FAM178B: variants seen among roughly 807,000 people sequenced by gnomAD.
The protein encoded by FAM178B is family with sequence similarity 178 member B, also known as protein FAM178B.
In FAM178B, 82 loss-of-function variants were observed where a neutral mutation model predicts 91.7. The observed-to-expected ratio is 0.89, with a 90% CI of 0.75 to 1.07. The LOEUF (loss-of-function observed/expected upper bound fraction) is 1.07. FAM178B is among the 50% of genes least tolerant of loss of function. The pLI is 0.00. For synonymous variants in FAM178B, 368 were observed against 359.4 expected (o/e 1.02, Z -0.27); for missense variants, 769 against 846.7 (o/e 0.91, Z 1.14).
chr2:96,918,989 T>TAA lies in FAM178B; in HGVS notation c.1562+2175_1562+2176insTT, dbSNP rs1292185559. Among the ~76,000 whole-genome samples the TAA allele has an allele frequency of 5.3e-5, 8 of 152,298 alleles. 1 individual carries two copies. In the East Asian group the frequency reaches 1.5e-3, roughly 29 times the overall value. The stretch of plus-strand genomic sequence containing the variant: ...CACGACCCTCTCACGCGGGCTCTCT[T>TAA]AGAGTTGTAAGCCCTTAAAAGCGAC... On this transcript the variant is annotated intron_variant, in intron 12 of 16. Coordinates refer to ENST00000490605, the MANE Select transcript of FAM178B (RefSeq NM_001122646.3).
At chr2:96,897,763 C>T (rs2080851297) in intron 13 of FAM178B, among the ~76,000 whole-genome samples, 1 of 152,200 alleles carries the variant, frequency 6.6e-6, no homozygotes, top group Non-Finnish European at 1.5e-5. Flanking sequence ...AATCTCTTCT[C>T]AACACAGCAG....
At chr2:96,911,778 G>C (rs534330338) in intron 12 of FAM178B, among the ~76,000 whole-genome samples, 2 of 152,236 alleles carry the variant, frequency 1.3e-5, no homozygotes, top group Admixed American at 6.5e-5. Flanking sequence ...CCAGGGCACC[G>C]AATCTGTCCA....
intron 7 of FAM178B, among the ~76,000 whole-genome samples, chr2:96,948,360 G>A (rs1026721454): frequency 9.9e-5 from 15 of 152,184 alleles, no homozygotes; most frequent in Non-Finnish European, 1.8e-4. Context: ...CCAGGTCAGC[G>A]CCTTAACACA....
chr2:96,971,922 G>T lies in FAM178B; in HGVS notation c.543C>A (p.Ser181Arg). The change falls in exon 3 of 17, where the codon AGC becomes AGA. Residue 181 changes from serine (S) to arginine (R), a missense_variant. Physicochemically the swap from Ser to Arg is moderately radical, Grantham distance 110 (BLOSUM62 -1). Coordinates refer to ENST00000490605, the MANE Select transcript of FAM178B (RefSeq NM_001122646.3). Reference sequence around the variant, plus strand: ...TCACCTCTGGGGCCGCAGCCTGCTGGCTCAGGCCTGACGTGTTCCAGAACA... The same window carrying T: ...TCACCTCTGGGGCCGCAGCCTGCTGTCTCAGGCCTGACGTGTTCCAGAACA... ...EKLFWNTSGL[S>R]QQAAAPEFSW... 1 of 1,509,014 alleles carries T rather than the reference G, an allele frequency of 6.6e-7. No individual in the cohort carries two copies. The highest frequency in any genetic ancestry group is 8.9e-7 in the Non-Finnish European group (1 of 1,128,376). The allele number at this position is 1,509,014 out of a possible 1,614,324, so 93.5% of individuals were successfully genotyped here. A position where few individuals can be genotyped will look rare whatever the true frequency, so the allele number is the denominator to read the frequency against.
intron 8 of FAM178B, 117 bp from the exon 9 acceptor site, chr2:96,929,437 C>T (rs2081503835): frequency 2.8e-6 from 2 of 708,138 alleles, no homozygotes; most frequent in East Asian, 5.5e-5. Context: ...TTTGCCTTCT[C>T]TGACACCACA....
intron 12 of FAM178B, among the ~76,000 whole-genome samples, chr2:96,908,206 G>A (rs2081090884): frequency 6.6e-6 from 1 of 152,232 alleles, no homozygotes; most frequent in Non-Finnish European, 1.5e-5. Flanking sequence ...AGCACACAGA[G>A]TGTGGACGGG....
chr2:96,882,891 A>T (rs1445423783), intron 14 of FAM178B, among the ~76,000 whole-genome samples: 1 of 152,236 alleles, frequency 6.6e-6, no homozygotes, highest in African/African-American at 2.4e-5. Flanking sequence ...CTCAGTCAAC[A>T]TCATGGGGAA....
At chr2:96,986,077 C>G (rs1283729582) in intron 1 of FAM178B, among the ~76,000 whole-genome samples, 164 bp downstream of exon 1, 1 of 152,232 alleles carries the variant, frequency 6.6e-6, no homozygotes, top group Non-Finnish European at 1.5e-5. Context: ...CGTCGGAACC[C>G]GAACCACGCG....
chr2:96,951,265 C>A (rs1448033136), intron 7 of FAM178B, 114 bp downstream of exon 7: 10 of 742,510 alleles, frequency 1.3e-5, no homozygotes, highest in Non-Finnish European at 2.1e-5. Flanking sequence ...CTGAGCCCAG[C>A]CAAGCAGCAC....
At chr2:96,936,824 T>C (rs2081640272) in intron 8 of FAM178B, among the ~76,000 whole-genome samples, 1 of 152,006 alleles carries the variant, frequency 6.6e-6, no homozygotes, top group African/African-American at 2.4e-5. Context: ...AAAAGCGTTC[T>C]TTAAAAAAAT....
At chr2:96,939,450 C>T (rs2081689054) in intron 8 of FAM178B, among the ~76,000 whole-genome samples, 3 of 152,102 alleles carry the variant, frequency 2.0e-5, no homozygotes, top group African/African-American at 4.8e-5. Flanking sequence ...GAGCCGAGAT[C>T]GCGCCACTGC....
chr2:96,927,501 G>A (rs931037083), intron 9 of FAM178B, among the ~76,000 whole-genome samples: 5 of 152,190 alleles, frequency 3.3e-5, no homozygotes, highest in African/African-American at 4.8e-5. Flanking sequence ...GCAGCTCCCT[G>A]GGCCCGATCT....
chr2:96,893,735 C>T (rs2080738366), intron 14 of FAM178B, among the ~76,000 whole-genome samples, 191 bp downstream of exon 14: 1 of 152,162 alleles, frequency 6.6e-6, no homozygotes, highest in African/African-American at 2.4e-5. Context: ...CGGGTAACAG[C>T]ACTAATTACA....
At chr2:96,886,406 A>G (rs1361383022) in intron 14 of FAM178B, among the ~76,000 whole-genome samples, 1 of 152,226 alleles carries the variant, frequency 6.6e-6, no homozygotes, top group Non-Finnish European at 1.5e-5. Context: ...GAAGAGTTAA[A>G]GGATGAGGAG....
At chr2:96,971,816 G>C in intron 3 of FAM178B, 85 bp downstream of exon 3, 2 of 1,298,312 alleles carry the variant, frequency 1.5e-6, no homozygotes, top group Non-Finnish European at 2.1e-6. Context: ...GCGTGGCTCA[G>C]GAGAGGGTGG....
At chr2:96,909,121 C>T (rs1198757624) in intron 12 of FAM178B, among the ~76,000 whole-genome samples, 15 of 139,454 alleles carry the variant, frequency 1.1e-4, no homozygotes, top group Admixed American at 6.2e-4. Flanking sequence ...CCAGCCTGGG[C>T]GACAGATCAA....
intron 13 of FAM178B, chr2:96,894,933 T>G: frequency 2.9e-6 from 1 of 344,594 alleles, no homozygotes; most frequent in Non-Finnish European, 5.2e-6. Flanking sequence ...CCCCACCCCC[T>G]GCACTGCCGC....
At chr2:96,896,540 C>G (rs998050612) in intron 13 of FAM178B, among the ~76,000 whole-genome samples, 14 of 152,298 alleles carry the variant, frequency 9.2e-5, no homozygotes, top group Admixed American at 7.8e-4. Context: ...GGGCAGACAC[C>G]TAGGGCGAGA....
At chr2:96,964,981 G>A (rs1038439700) in intron 5 of FAM178B, among the ~76,000 whole-genome samples, 3 of 151,998 alleles carry the variant, frequency 2.0e-5, no homozygotes, top group African/African-American at 4.8e-5. Context: ...GTGATCATCC[G>A]GTTTGGTGGC....
Sources: allele counts gnomAD v4.1 joint callset (sites outside exome capture counted in the v4.1 genomes callset), GRCh38; gene constraint gnomAD v4.1.1; transcripts MANE v1.5; gene names NCBI Gene and HGNC (gene_info 2026-07-23, HGNC 2026-07-21).